Variants in CUX1 observed in about 807,000 individuals in gnomAD.
CUX1 encodes cut like homeobox 1.
In CUX1, 31 loss-of-function variants were observed where a neutral mutation model predicts 158.8. The observed-to-expected ratio is 0.20, with a 90% CI of 0.15 to 0.26. The LOEUF is 0.26. Among genes scored for constraint, CUX1 ranks in the 10% least tolerant of loss-of-function variants. The probability of loss-of-function intolerance (pLI) is 1.00; values close to 1 mark genes in which losing one functional copy is unlikely to be tolerated. For missense variants in CUX1, 1,589 were observed against 2,014.6 expected (o/e 0.79, Z 4.04); for synonymous variants, 879 against 862.1 (o/e 1.02, Z -0.34).
chr7:101,850,121 A>G (rs1796117740), intron 1 of CUX1, among the ~76,000 whole-genome samples: 1 of 151,694 alleles, frequency 6.6e-6, no homozygotes, highest in Non-Finnish European at 1.5e-5. Context: ...ATGGGGTTTC[A>G]CCATCTTGGC....
intron 1 of CUX1, among the ~76,000 whole-genome samples, chr7:101,914,072 G>C (rs1232582486): frequency 6.8e-6 from 1 of 147,594 alleles, no homozygotes; most frequent in Non-Finnish European, 1.5e-5. Flanking sequence ...TTTTTTCCCT[G>C]CCTTCCCTTA....
intron 2 of CUX1, among the ~76,000 whole-genome samples, chr7:102,008,336 C>A (rs1256609625): frequency 1.3e-5 from 2 of 151,946 alleles, no homozygotes; most frequent in Admixed American, 1.3e-4. Flanking sequence ...CTGTTTGTAT[C>A]TTGTCTCTTT....
chr7:102,229,302 CTTTT>C (rs11348387), intron 21 of CUX1, among the ~76,000 whole-genome samples: 8 of 120,958 alleles, frequency 6.6e-5, no homozygotes, highest in Non-Finnish European at 8.8e-5. Context: ...GGTGTTTCAT[CTTTT>C]TTTTTTTTTT....
chr7:102,087,189 T>C (rs1554480779), intron 4 of CUX1, among the ~76,000 whole-genome samples: 1 of 152,230 alleles, frequency 6.6e-6, no homozygotes. Flanking sequence ...TGTTTTTTCT[T>C]GTATTTTTCC....
chr7:101,964,409 AATTTTGTATGTTTTAGCTATCATT>A (rs1364169657), intron 2 of CUX1, among the ~76,000 whole-genome samples: 1 of 152,154 alleles, frequency 6.6e-6, no homozygotes, highest in African/African-American at 2.4e-5. Context: ...TTCGTCACCA[AATTTTGTATGTTTTAGCTATCATT>A]ATTGCTGTCC....
chr7:101,995,131 C>T (rs904143754), intron 2 of CUX1, among the ~76,000 whole-genome samples: 3 of 152,144 alleles, frequency 2.0e-5, no homozygotes, highest in South Asian at 4.2e-4. Flanking sequence ...CATGGCAGCT[C>T]AGAAACCTGG....
At chr7:101,992,524 G>A (rs902128238) in intron 2 of CUX1, among the ~76,000 whole-genome samples, 2 of 152,164 alleles carry the variant, frequency 1.3e-5, no homozygotes, top group South Asian at 2.1e-4. Context: ...CACACCCTAC[G>A]TGCCCCATGC....
chr7:102,008,237 T>C (rs1480601054), intron 2 of CUX1, among the ~76,000 whole-genome samples: 2 of 152,186 alleles, frequency 1.3e-5, no homozygotes, highest in East Asian at 3.9e-4. Flanking sequence ...TTCGGTGATC[T>C]GGGAGCCTGT....
chr7:102,021,663 T>C (rs1235458810), intron 2 of CUX1, among the ~76,000 whole-genome samples: 1 of 143,410 alleles, frequency 7.0e-6, no homozygotes, highest in Non-Finnish European at 1.5e-5. Context: ...GTTGAAGCGA[T>C]TCTCCTGCCT....
Position 102,248,734 on chromosome 7 carries a change from A to C in CUX1, c.4210A>C (p.Ser1404Arg). 9.0e-7 allele frequency: 1 copy of C among 1,105,206 alleles called. No individual in the cohort carries two copies. The highest frequency in any genetic ancestry group is 1.1e-6 in the Non-Finnish European group (1 of 906,216). 68.5% of individuals were successfully genotyped at this position (1,105,206 alleles called of 1,614,324 possible). A position where few individuals can be genotyped will look rare whatever the true frequency, so the allele number is the denominator to read the frequency against. The change falls in exon 24 of 24, where the codon AGC becomes CGC. Residue 1404 changes from serine to arginine, a missense_variant. Around this residue, in one of 8 missense-constraint regions of CUX1, gnomAD observed 344 missense variants for 323.7 expected, o/e 1.06. Coordinates refer to ENST00000292535, the MANE Select transcript of CUX1 (RefSeq NM_181552.4). The surrounding 1 kb of genome is among the most constrained non-coding windows in gnomAD (Gnocchi z 5.8). ...GPVEGPGPLPSPASATATAAP... is the reference protein window; with the variant it reads ...GPVEGPGPLPRPASATATAAP... ...CGTGGAAGGCCCGGGGCCCCTGCCC[A>C]GCCCCGCCTCCGCGACCGCCACCGC... is the stretch of plus-strand genomic sequence containing the variant.
intron 10 of CUX1, 45 bp from the exon 11 acceptor site, chr7:102,178,424 G>A (rs1174221948): frequency 2.6e-6 from 4 of 1,532,670 alleles, no homozygotes; most frequent in Non-Finnish European, 3.5e-6. Context: ...TCGAGCACCC[G>A]CCTCAAGGCC....
Position 102,248,622 on chromosome 7 carries a change from G to A in CUX1, c.4098G>A (p.Val1366=), listed in dbSNP as rs1801086983. The change falls in exon 24 of 24, where the codon GTG becomes GTA. Residue 1366 remains valine, a synonymous_variant. Coordinates refer to ENST00000292535, the MANE Select transcript of CUX1 (RefSeq NM_181552.4). This position sits in a 1 kb window ranked among gnomAD's most constrained non-coding sequence, Gnocchi z 5.8. ...AGGGAGAGGCCGAGCGGGAGGAGGT[G>A]CCGCGGCCGGCGGAGCAGACGGAGC... ...KSQGEAEREE[V]PRPAEQTEPP... The A allele has an allele frequency of 4.2e-6, 6 of 1,428,152 alleles. No homozygotes were observed. The highest frequency in any genetic ancestry group is 3.7e-6 in the Non-Finnish European group (4 of 1,095,428). 88.5% of individuals were successfully genotyped at this position (1,428,152 alleles called of 1,614,324 possible). A position where few individuals can be genotyped will look rare whatever the true frequency, so the allele number is the denominator to read the frequency against.
intron 1 of CUX1, among the ~76,000 whole-genome samples, chr7:101,878,617 G>A (rs776598478): frequency 5.3e-5 from 8 of 151,504 alleles, no homozygotes; most frequent in South Asian, 4.1e-4. Context: ...CAATGTGATT[G>A]TAAAAATTCT....
intron 7 of CUX1, 52 bp from the exon 8 acceptor site, chr7:102,115,155 A>G (rs1831309856): frequency 1.4e-6 from 2 of 1,467,100 alleles, no homozygotes; most frequent in Admixed American, 1.8e-5. Context: ...TTACCTGTGT[A>G]TGCATTCTTT....
chr7:102,012,626 A>G (rs17487672), intron 2 of CUX1, among the ~76,000 whole-genome samples: 57,427 of 151,302 alleles, frequency 0.38, 11,412 homozygotes, highest in Middle Eastern at 0.41. Context: ...GGTACTGCCC[A>G]GGGTCATGAA....
chr7:102,149,867 C>T (rs1248450075), intron 8 of CUX1, among the ~76,000 whole-genome samples: 1 of 152,170 alleles, frequency 6.6e-6, no homozygotes, highest in Non-Finnish European at 1.5e-5. Context: ...CCTGCTCTTT[C>T]TGGACAGGGT....
chr7:101,903,400 T>C (rs945782873), intron 1 of CUX1, among the ~76,000 whole-genome samples: 2 of 152,128 alleles, frequency 1.3e-5, no homozygotes, highest in Non-Finnish European at 2.9e-5. Context: ...TTGGGCTCCT[T>C]GCAGAGCCGA....
chr7:102,163,070 T>A (rs1224039258), intron 9 of CUX1, among the ~76,000 whole-genome samples: 1 of 152,054 alleles, frequency 6.6e-6, no homozygotes, highest in Non-Finnish European at 1.5e-5. Context: ...ATGAGAAGCA[T>A]CCAGGGAGGA....
chr7:102,071,282 T>C (rs1410833119), intron 4 of CUX1, among the ~76,000 whole-genome samples: 2 of 152,168 alleles, frequency 1.3e-5, no homozygotes, highest in East Asian at 3.8e-4. Context: ...TTTAGAGGGA[T>C]TGAAGAATTA....
Sources: gnomAD v4.1 joint callset for allele counts (sites outside exome capture counted in the v4.1 genomes callset) on GRCh38, gnomAD v4.1.1 for gene constraint, gnomAD v4.1.1 regional missense constraint, Gnocchi (gnomAD v3.1) non-coding constraint, MANE v1.5 for transcripts, NCBI Gene and HGNC (gene_info 2026-07-23, HGNC 2026-07-21) for gene names.